CCDC6: variants seen among roughly 807,000 people sequenced by gnomAD.
The protein encoded by CCDC6 is coiled-coil domain containing 6, also known as coiled-coil domain-containing protein 6.
Under a neutral mutation model 56.6 loss-of-function variants are expected in CCDC6, and 20 were observed. The observed-to-expected ratio is 0.35, with a 90% CI of 0.25 to 0.51. The LOEUF is 0.51. Among genes scored for constraint, CCDC6 ranks in the 20% least tolerant of loss-of-function variants. The pLI is 0.95. For synonymous variants in CCDC6, 241 were observed against 234.4 expected, an observed-to-expected ratio of 1.03 and a Z score of -0.26; for missense variants, 367 against 601.1, an observed-to-expected ratio of 0.61 and a Z score of 4.07.
intron 2 of CCDC6, among the ~76,000 whole-genome samples, chr10:59,841,904 T>G (rs2070943376): frequency 6.6e-6 from 1 of 151,954 alleles, no homozygotes; most frequent in Non-Finnish European, 1.5e-5. Flanking sequence ...CCTGACCTCA[T>G]GATCCGCCAG....
intron 1 of CCDC6, among the ~76,000 whole-genome samples, chr10:59,878,921 A>G (rs1002215018): frequency 6.6e-6 from 1 of 152,186 alleles, no homozygotes; most frequent in Non-Finnish European, 1.5e-5. Context: ...AAAGGAAAAG[A>G]TGCAGTTTGT....
rs1257936776 is a variant in CCDC6 at position 59,788,936 on chromosome 10, G to T, written c.*3981C>A. On this transcript the variant is annotated 3_prime_UTR_variant, in exon 9 of 9. Coordinates refer to ENST00000263102, the MANE Select transcript of CCDC6 (RefSeq NM_005436.5). ...AGAACTCCAACCTAGTCAAGTTGTAGACAAGCTATCATGAACAACATACAG... is the reference window on the plus strand; with the variant it reads ...AGAACTCCAACCTAGTCAAGTTGTATACAAGCTATCATGAACAACATACAG... The T allele has an allele frequency of 4.7e-6, 1 of 213,384 alleles. No homozygotes were observed. The highest frequency in any genetic ancestry group is 5.8e-5 in the Admixed American group (1 of 17,106). 13.2% of individuals were successfully genotyped at this position (213,384 alleles called of 1,614,324 possible).
chr10:59,793,452 T>C (rs752747624), intron 8 of CCDC6, among the ~76,000 whole-genome samples: 2 of 152,150 alleles, frequency 1.3e-5, no homozygotes. Context: ...CTCCAATAAG[T>C]TGTCCACATC....
intron 1 of CCDC6, among the ~76,000 whole-genome samples, chr10:59,904,774 C>T (rs1034386651): frequency 6.6e-6 from 1 of 152,226 alleles, no homozygotes; most frequent in Admixed American, 6.5e-5. Flanking sequence ...GCTATTTAGG[C>T]TACTGATCAC....
At chr10:59,800,698 T>C (rs1180496234) in intron 7 of CCDC6, among the ~76,000 whole-genome samples, 3 of 152,060 alleles carry the variant, frequency 2.0e-5, no homozygotes, top group African/African-American at 7.2e-5. Flanking sequence ...CTATTGATTT[T>C]TTTTTTCCTT....
rs768259795 is a variant in CCDC6, at chr10:59,814,766, GAA to G, written c.583-13_583-12del. 1.3e-6 allele frequency: 2 copies of G among 1,560,324 alleles called. No homozygotes were observed. The highest frequency in any genetic ancestry group is 1.8e-6 in the Non-Finnish European group (2 of 1,132,926). On this transcript the variant is annotated splice_polypyrimidine_tract_variant and intron_variant, in intron 3 of 8. Coordinates refer to ENST00000263102, the MANE Select transcript of CCDC6 (RefSeq NM_005436.5). Reference sequence around the variant, plus strand: ...CTTCTCCCGTCTCAACTAAAGGAAGGAAAAAAGTGTTACCAAAGTGTCAGGCC... The same window carrying G: ...CTTCTCCCGTCTCAACTAAAGGAAGGAAAAGTGTTACCAAAGTGTCAGGCC...
Position 59,789,302 on chromosome 10 carries a change from T to C in CCDC6, c.*3615A>G. The C allele has an allele frequency of 4.3e-6, 1 of 231,624 alleles. No individual in the cohort carries two copies. Among genetic ancestry groups the C allele is most frequent in the Non-Finnish European group, 8.6e-6 (1 of 116,946 alleles). 14.3% of individuals were successfully genotyped at this position (231,624 alleles called of 1,614,324 possible). ...ACATGCACACACACAGCACCCATGC[T>C]ATCAAGACACAGGATTTTTTCAGTT... On this transcript the variant is annotated 3_prime_UTR_variant, in exon 9 of 9. Transcript: ENST00000263102.
rs140235486 is a variant in CCDC6 at position 59,824,678 on chromosome 10, A to AGAGGAGGAGGAG, written c.582+7835_582+7846dup. On this transcript the variant is annotated intron_variant, in intron 3 of 8. Coordinates refer to ENST00000263102, the MANE Select transcript of CCDC6 (RefSeq NM_005436.5). ...CACTTAAAAAAGAGAGGAAGAGAAA[A>AGAGGAGGAGGAG]GAGGAGGAGGAGGAGGAGAAGATGA... 2.4e-3 allele frequency among the ~76,000 whole-genome samples: 370 copies of AGAGGAGGAGGAG among 152,158 alleles called. 4 individuals carry two copies. The highest frequency in any genetic ancestry group is 8.6e-3 in the African/African-American group (356 of 41,458).
At chr10:59,839,887 G>A (rs185009046) in intron 2 of CCDC6, among the ~76,000 whole-genome samples, 120 of 152,210 alleles carry the variant, frequency 7.9e-4, no homozygotes, top group Non-Finnish European at 1.4e-3. Flanking sequence ...GTATAGTGGC[G>A]TGATCTTGGC....
chr10:59,799,085 T>C (rs1462435556), intron 7 of CCDC6, among the ~76,000 whole-genome samples: 1 of 150,970 alleles, frequency 6.6e-6, no homozygotes, highest in East Asian at 1.9e-4. Context: ...CTAGTATTAC[T>C]GAGTTAACTT....
chr10:59,844,993 A>G (rs1486601012), intron 2 of CCDC6, among the ~76,000 whole-genome samples: 1 of 152,214 alleles, frequency 6.6e-6, no homozygotes, highest in African/African-American at 2.4e-5. Flanking sequence ...ATTTTAAAGT[A>G]ATTACTGACT....
chr10:59,801,192 G>GA (rs201045048), intron 7 of CCDC6, among the ~76,000 whole-genome samples: 2,123 of 148,486 alleles, frequency 0.014, 55 homozygotes, highest in African/African-American at 0.046. Flanking sequence ...TTTGGCTAAA[G>GA]AAAAAAAAAA....
chr10:59,811,778 A>G (rs1247931479), intron 5 of CCDC6, among the ~76,000 whole-genome samples: 2 of 152,262 alleles, frequency 1.3e-5, no homozygotes, highest in African/African-American at 2.4e-5. Flanking sequence ...TTTTCCATCC[A>G]TCTTTGGTTG....
intron 1 of CCDC6, among the ~76,000 whole-genome samples, chr10:59,864,886 C>G (rs1477899796): frequency 6.6e-6 from 1 of 152,128 alleles, no homozygotes; most frequent in Admixed American, 6.5e-5. Context: ...AAGTCTCAAA[C>G]CACACACATT....
At chr10:59,814,593 A>G in intron 4 of CCDC6, 59 bp downstream of exon 4, 2 of 1,009,308 alleles carry the variant, frequency 2.0e-6, no homozygotes, top group Non-Finnish European at 1.6e-6. Flanking sequence ...TCACACCCAG[A>G]GCAGCAACAC....
chr10:59,817,356 T>C (rs990784828), intron 3 of CCDC6, among the ~76,000 whole-genome samples: 9 of 152,048 alleles, frequency 5.9e-5, no homozygotes, highest in Non-Finnish European at 1.3e-4. Flanking sequence ...AATTTTTTAT[T>C]TTTTGTAGAG....
In CCDC6 at chr10:59,789,729, G is replaced by T. The variant is rs972069572; in HGVS notation, c.*3188C>A. ...TGTACTGATAAGATACAAATATTGA[G>T]CTCTCAAAGCACAAGTTACTATGCT... On this transcript the variant is annotated 3_prime_UTR_variant, in exon 9 of 9. Transcript: ENST00000263102. 6 of 222,242 alleles carry T rather than the reference G, an allele frequency of 2.7e-5. No homozygotes were observed. The highest frequency in any genetic ancestry group is 1.3e-4 in the African/African-American group (6 of 44,782). The allele number at this position is 222,242 out of a possible 1,614,324, so 13.8% of individuals were successfully genotyped here.
At chr10:59,876,646 G>T (rs376396389) in intron 1 of CCDC6, among the ~76,000 whole-genome samples, 1 of 145,008 alleles carries the variant, frequency 6.9e-6, no homozygotes, top group South Asian at 2.2e-4. Flanking sequence ...AACTGTCCTA[G>T]CAAAAAACCC....
chr10:59,888,190 C>T (rs951646060), intron 1 of CCDC6, among the ~76,000 whole-genome samples: 5 of 152,222 alleles, frequency 3.3e-5, no homozygotes, highest in African/African-American at 1.2e-4. Flanking sequence ...AGTGGCTTCA[C>T]ACATAGCACC....
Sources: allele counts gnomAD v4.1 joint callset (sites outside exome capture counted in the v4.1 genomes callset), GRCh38; gene constraint gnomAD v4.1.1; transcripts MANE v1.5; gene names NCBI Gene and HGNC (gene_info 2026-07-23, HGNC 2026-07-21).